The following KIF13A variants were observed in gnomAD, a reference collection of about 807,000 sequenced individuals.
KIF13A encodes the protein kinesin family member 13A.
In KIF13A, 79 loss-of-function variants were observed where a neutral mutation model predicts 212.2. The ratio of observed to expected loss-of-function variants is 0.37; its 90% CI spans 0.31 to 0.45. The LOEUF is 0.45. KIF13A is among the 20% of genes least tolerant of loss of function. KIF13A has a pLI of 1.00. For synonymous variants in KIF13A, 789 were observed against 808.6 expected (o/e 0.98, Z 0.41); for missense variants, 1,901 against 2,209.0 (o/e 0.86, Z 2.79).
At chr6:17,964,261 C>T (rs981684709) in intron 2 of KIF13A, among the ~76,000 whole-genome samples, 3 of 152,136 alleles carry the variant, frequency 2.0e-5, no homozygotes, top group African/African-American at 4.8e-5. Flanking sequence ...TCGTAGCCAT[C>T]GCCCTAATTC....
chr6:17,922,915 C>T (rs1051376812), intron 2 of KIF13A, among the ~76,000 whole-genome samples: 1 of 151,926 alleles, frequency 6.6e-6, no homozygotes, highest in Non-Finnish European at 1.5e-5. Flanking sequence ...TGAGCCACCA[C>T]ACCCAGCCTG....
intron 17 of KIF13A, among the ~76,000 whole-genome samples, chr6:17,815,907 CTTTTTTTT>C (rs57780326): frequency 1.5e-5 from 2 of 130,552 alleles, no homozygotes; most frequent in Non-Finnish European, 3.2e-5. Flanking sequence ...TAGTCAGGTT[CTTTTTTTT>C]TTTTTTTTTG....
chr6:17,889,946 A>G lies in KIF13A; in HGVS notation c.159+8222T>C, dbSNP rs138517261. Among the ~76,000 whole-genome samples the G allele has an allele frequency of 1.8e-4, 28 of 152,288 alleles. No individual in the cohort carries two copies. In the East Asian group the frequency reaches 5.4e-3, roughly 29 times the overall value. On this transcript the variant is annotated intron_variant, in intron 3 of 38. Transcript: ENST00000259711. ...GATCACCCGAGGTCGAGAGTTTGAG[A>G]CCAGCCTGACCAACACGGAGAAACC... is the stretch of plus-strand genomic sequence containing the variant.
chr6:17,935,098 A>G (rs1449786075), intron 2 of KIF13A, among the ~76,000 whole-genome samples: 1 of 152,052 alleles, frequency 6.6e-6, no homozygotes, highest in Non-Finnish European at 1.5e-5. Flanking sequence ...TATTTTCACC[A>G]TTTACCTGGG....
At chr6:17,869,816 C>T (rs1299410935) in intron 4 of KIF13A, among the ~76,000 whole-genome samples, 1 of 152,208 alleles carries the variant, frequency 6.6e-6, no homozygotes, top group Non-Finnish European at 1.5e-5. Flanking sequence ...CTTTCTCTGT[C>T]TCTCTCCCTG....
At chr6:17,767,740 G>A (rs1485918503) in intron 38 of KIF13A, among the ~76,000 whole-genome samples, 1 of 152,152 alleles carries the variant, frequency 6.6e-6, no homozygotes, top group Non-Finnish European at 1.5e-5. Flanking sequence ...TAGTAATTTG[G>A]AGTCCTTTAT....
chr6:17,905,053 C>G (rs1335155066), intron 2 of KIF13A, among the ~76,000 whole-genome samples: 5 of 152,230 alleles, frequency 3.3e-5, no homozygotes, highest in Non-Finnish European at 1.5e-5. Flanking sequence ...CCTCATGGGG[C>G]CCAGGACGGC....
chr6:17,973,670 A>G (rs1472338562), intron 2 of KIF13A, among the ~76,000 whole-genome samples: 1 of 152,204 alleles, frequency 6.6e-6, no homozygotes, highest in Non-Finnish European at 1.5e-5. Context: ...AATTTTACAG[A>G]TGAAGAAACC....
rs1472628107 is a variant in KIF13A, at chr6:17,781,202, G to A, written c.3644C>T (p.Pro1215Leu). The change falls in exon 30 of 39, where the codon CCC (proline) becomes CTC (leucine). Residue 1215 changes from proline to leucine, a missense_variant. Around this residue, in one of 5 missense-constraint regions of KIF13A, gnomAD observed 687 missense variants for 759.1 expected, o/e 0.90. Coordinates refer to ENST00000259711, the MANE Select transcript of KIF13A (RefSeq NM_022113.6). ...CTCATCATCACTGTGCTTTATGATG[G>A]GCAGGTAGAAAAACTGGCTGCCATG... The part of the protein sequence containing the change: ...KEHGSQFFYL[P>L]IIKHSDDEVS... The A allele has an allele frequency of 6.2e-7, 1 of 1,613,876 alleles. No individual in the cohort carries two copies. Among genetic ancestry groups the A allele is most frequent in the Non-Finnish European group, 8.5e-7 (1 of 1,179,862 alleles).
At chr6:17,798,026 T>C (rs148534610) in intron 22 of KIF13A, among the ~76,000 whole-genome samples, 76 of 152,278 alleles carry the variant, frequency 5.0e-4, no homozygotes, top group African/African-American at 1.7e-3. Context: ...CCATTAGTCT[T>C]TAGGTGGAAT....
Position 17,767,492 on chromosome 6 carries a change from C to T in KIF13A, c.4582-2546G>A, listed in dbSNP as rs540982187. ...CTGGTCTCGAACTCCTGACCTCAGGCGATCTGCCCGTCTCGGGCTTCTAAA... is the reference window on the plus strand; with the variant it reads ...CTGGTCTCGAACTCCTGACCTCAGGTGATCTGCCCGTCTCGGGCTTCTAAA... On this transcript the variant is annotated intron_variant, in intron 38 of 38. Transcript: ENST00000259711. 2.1e-3 allele frequency among the ~76,000 whole-genome samples: 321 copies of T among 151,778 alleles called. 1 individual carries two copies. Among genetic ancestry groups the T allele is most frequent in the Middle Eastern group, 0.014 (4 of 294 alleles).
intron 9 of KIF13A, among the ~76,000 whole-genome samples, chr6:17,840,590 G>A (rs1049064910): frequency 6.6e-6 from 1 of 152,072 alleles, no homozygotes. Context: ...AGATGACATG[G>A]ATTTATCCAT....
intron 23 of KIF13A, among the ~76,000 whole-genome samples, chr6:17,795,961 A>T (rs568482265): frequency 1.0e-3 from 158 of 152,312 alleles, no homozygotes; most frequent in African/African-American, 3.6e-3. Context: ...TAATTTTTGT[A>T]TATGGTGTGA....
rs1774739546 is a variant in KIF13A, at chr6:17,918,394, CATAA to C, written c.147-20218_147-20215del. ...GTACTTAAACGGCAGCCTATTTTTA[CATAA>C]ATAACAGTTACATTTATTTTACTAC... On this transcript the variant is annotated intron_variant, in intron 2 of 38. Transcript: ENST00000259711. This position sits in a 1 kb window ranked among gnomAD's most constrained non-coding sequence, Gnocchi z 4.8. 6.6e-6 allele frequency among the ~76,000 whole-genome samples: 1 copy of C among 152,178 alleles called. No homozygotes were observed. The highest frequency in any genetic ancestry group is 2.4e-5 in the African/African-American group (1 of 41,446).
chr6:17,781,114 G>A, intron 30 of KIF13A, 63 bp downstream of exon 30: 1 of 1,591,578 alleles, frequency 6.3e-7, no homozygotes, highest in Non-Finnish European at 8.6e-7. Flanking sequence ...AGTTTAGTGA[G>A]CAGGCCCACA....
Position 17,968,092 on chromosome 6 carries a change from G to T in KIF13A, c.146+18962C>A, listed in dbSNP as rs1581893002. Reference sequence around the variant, plus strand: ...CAAACGTAGGCATATTATTTGACATGTGTGCTGCAGTGGGGAACAAAAAAA... The same window carrying T: ...CAAACGTAGGCATATTATTTGACATTTGTGCTGCAGTGGGGAACAAAAAAA... On this transcript the variant is annotated intron_variant, in intron 2 of 38. Coordinates refer to ENST00000259711, the MANE Select transcript of KIF13A (RefSeq NM_022113.6). The surrounding 1 kb of genome is among the most constrained non-coding windows in gnomAD (Gnocchi z 4.7). Among the ~76,000 whole-genome samples the T allele has an allele frequency of 6.6e-6, 1 of 152,158 alleles. No individual in the cohort carries two copies. The highest frequency in any genetic ancestry group is 1.5e-5 in the Non-Finnish European group (1 of 68,042).
At chr6:17,925,756 G>A (rs1456461347) in intron 2 of KIF13A, among the ~76,000 whole-genome samples, 3 of 152,212 alleles carry the variant, frequency 2.0e-5, no homozygotes, top group African/African-American at 7.2e-5. Flanking sequence ...CAGTTATTCT[G>A]TGAGAATTGG....
Position 17,850,268 on chromosome 6 carries a change from G to A in KIF13A, c.717+55C>T. On this transcript the variant is annotated intron_variant, in intron 8 of 38. Coordinates refer to ENST00000259711, the MANE Select transcript of KIF13A (RefSeq NM_022113.6). The surrounding 1 kb of genome is among the most constrained non-coding windows in gnomAD (Gnocchi z 6.2). ...CAACCATGAAAGACTTTACCTATAT[G>A]GACACTTTCAGTTCTTCCACCCCCA... 6.5e-7 allele frequency: 1 copy of A among 1,532,582 alleles called. No individual in the cohort carries two copies. The highest frequency in any genetic ancestry group is 8.8e-7 in the Non-Finnish European group (1 of 1,133,126). The allele number at this position is 1,532,582 out of a possible 1,614,324, so 94.9% of individuals were successfully genotyped here.
chr6:17,794,668 G>C lies in KIF13A; in HGVS notation c.2979C>G (p.Ile993Met). The C allele has an allele frequency of 6.2e-7, 1 of 1,611,596 alleles. No individual in the cohort carries two copies. The highest frequency in any genetic ancestry group is 1.7e-5 in the Admixed American group (1 of 59,688). ...NEVTRRIEMWISILELNELGE... is the reference protein window; with the variant it reads ...NEVTRRIEMWMSILELNELGE... ...CTAACTCATTCAATTCTAATATGGA[G>C]ATCCACATTTCTATTCTTCGCGTTA... Residue 993 changes from isoleucine (I) to methionine (M), a missense_variant, in exon 24 of 39, where the codon ATC (isoleucine) becomes ATG (methionine). This residue lies in a region of KIF13A where 168 missense variants were observed against 250.9 expected (regional missense o/e 0.67). Coordinates refer to ENST00000259711, the MANE Select transcript of KIF13A (RefSeq NM_022113.6). The surrounding 1 kb of genome is among the most constrained non-coding windows in gnomAD (Gnocchi z 4.1).
Sources: gnomAD v4.1 joint callset for allele counts (sites outside exome capture counted in the v4.1 genomes callset) on GRCh38, gnomAD v4.1.1 for gene constraint, gnomAD v4.1.1 regional missense constraint, Gnocchi (gnomAD v3.1) non-coding constraint, MANE v1.5 for transcripts, NCBI Gene and HGNC (gene_info 2026-07-23, HGNC 2026-07-21) for gene names.